Variants in EBF1 observed in about 807,000 individuals in gnomAD.
EBF1 encodes the protein EBF transcription factor 1.
Under a neutral mutation model 68.4 loss-of-function variants are expected in EBF1, and 10 were observed. The observed-to-expected ratio is 0.15, with a 90% CI of 0.09 to 0.25. The LOEUF (loss-of-function observed/expected upper bound fraction) is 0.25. Ranked by LOEUF, EBF1 falls within the 10% of genes least tolerant of loss-of-function variation. The pLI is 1.00. For missense variants in EBF1, 509 were observed against 794.4 expected (o/e 0.64, Z 4.32); for synonymous variants, 298 against 299.8 (o/e 0.99, Z 0.06).
At chr5:159,081,501 T>G (rs939863301) in intron 5 of EBF1, among the ~76,000 whole-genome samples, 3 of 152,238 alleles carry the variant, frequency 2.0e-5, no homozygotes, top group African/African-American at 7.2e-5. Flanking sequence ...AGAGGACCAC[T>G]GTTTACAGGA....
intron 6 of EBF1, among the ~76,000 whole-genome samples, chr5:159,056,832 G>T (rs980972504): frequency 3.9e-5 from 6 of 152,112 alleles, no homozygotes; most frequent in African/African-American, 1.4e-4. Flanking sequence ...AAAGATAATA[G>T]TCAGAGACAA....
Position 159,096,346 on chromosome 5 carries a change from T to G in EBF1, c.352A>C (p.Asn118His). Residue 118 changes from asparagine (N) to histidine (H), a missense_variant, in exon 3 of 16, where the codon AAT becomes CAT. This residue lies in a region of EBF1 where 230 missense variants were observed against 467.7 expected (regional missense o/e 0.49). Coordinates refer to ENST00000313708, the MANE Select transcript of EBF1 (RefSeq NM_024007.5). Reference sequence around the variant, plus strand: ...ATAGACCCGACCCGGGCCTCACCATTGCTGTAGAGAAGCTGAAGCCGGTAG... The same window carrying G: ...ATAGACCCGACCCGGGCCTCACCATGGCTGTAGAGAAGCTGAAGCCGGTAG... ...IHYRLQLLYSNGIRTEQDFYV... is the reference protein window; with the variant it reads ...IHYRLQLLYSHGIRTEQDFYV... 2.5e-6 allele frequency: 4 copies of G among 1,613,338 alleles called. No individual in the cohort carries two copies. Among genetic ancestry groups the G allele is most frequent in the Non-Finnish European group, 3.4e-6 (4 of 1,179,730 alleles).
chr5:159,077,132 C>T (rs7726961), intron 5 of EBF1, among the ~76,000 whole-genome samples: 77,673 of 152,118 alleles, frequency 0.51, 21,380 homozygotes, highest in African/African-American at 0.73. Flanking sequence ...ATAATGTCAA[C>T]GGCTTTAGAA....
chr5:158,926,862 C>T (rs1316172822), intron 6 of EBF1, among the ~76,000 whole-genome samples: 1 of 152,084 alleles, frequency 6.6e-6, no homozygotes, highest in Non-Finnish European at 1.5e-5. Flanking sequence ...TCTATACAGA[C>T]TTTAGTAATG....
intron 6 of EBF1, among the ~76,000 whole-genome samples, chr5:159,048,512 C>T (rs1772899838): frequency 6.6e-6 from 1 of 152,236 alleles, no homozygotes; most frequent in Non-Finnish European, 1.5e-5. Context: ...GCTCTAGCCT[C>T]TTGTACTTCT....
chr5:158,969,857 A>G (rs1411661917), intron 6 of EBF1, among the ~76,000 whole-genome samples: 2 of 66,308 alleles, frequency 3.0e-5, no homozygotes, highest in Non-Finnish European at 6.9e-5. Context: ...AGAAAGAAAG[A>G]AAGAAAGAAA....
At position 158,905,225 on chromosome 5, in the gene EBF1, G is replaced by A. The variant is rs959194126; in HGVS notation, c.555-65115C>T. On this transcript the variant is annotated intron_variant, in intron 6 of 15. Coordinates refer to ENST00000313708, the MANE Select transcript of EBF1 (RefSeq NM_024007.5). ...ACCTATTCACATAAACATTGCTGCC[G>A]TGTAACTCCCAACCATCCTCAAAAT... Among the ~76,000 whole-genome samples the A allele has an allele frequency of 3.3e-5, 5 of 152,252 alleles. No homozygotes were observed. In the East Asian group the frequency reaches 5.8e-4, roughly 18 times the overall value.
intron 10 of EBF1, among the ~76,000 whole-genome samples, chr5:158,774,142 T>C (rs747156505): frequency 5.9e-5 from 9 of 152,130 alleles, no homozygotes; most frequent in East Asian, 1.9e-4. Context: ...GTGACTCTGA[T>C]TGGACAAACA....
chr5:158,858,343 C>T (rs1264122709), intron 6 of EBF1, among the ~76,000 whole-genome samples: 1 of 152,166 alleles, frequency 6.6e-6, no homozygotes, highest in Non-Finnish European at 1.5e-5. Context: ...GGTACTGCTT[C>T]TTCATACCTG....
chr5:158,883,278 T>C (rs1303059601), intron 6 of EBF1, among the ~76,000 whole-genome samples: 1 of 150,170 alleles, frequency 6.7e-6, no homozygotes, highest in African/African-American at 2.4e-5. Context: ...GGCGACAGCT[T>C]TTCTTCACTT....
chr5:158,706,243 G>A (rs1361372238), intron 15 of EBF1, among the ~76,000 whole-genome samples: 3 of 150,132 alleles, frequency 2.0e-5, no homozygotes, highest in Non-Finnish European at 4.4e-5. Flanking sequence ...GCCACTGTAT[G>A]TTAGAGTGGG....
intron 10 of EBF1, among the ~76,000 whole-genome samples, chr5:158,765,173 A>T (rs991533903): frequency 6.6e-6 from 1 of 152,136 alleles, no homozygotes; most frequent in African/African-American, 2.4e-5. Context: ...AAATTTCTAA[A>T]CCTTTAGATA....
chr5:159,076,961 C>T (rs928385231), intron 5 of EBF1, among the ~76,000 whole-genome samples: 2 of 152,200 alleles, frequency 1.3e-5, no homozygotes, highest in Admixed American at 6.5e-5. Flanking sequence ...AAATGTACAG[C>T]ATATTGTGAC....
At position 158,774,396 on chromosome 5, in the gene EBF1, C is replaced by T. The variant is rs185314634; in HGVS notation, c.1036+3017G>A. On this transcript the variant is annotated intron_variant, in intron 10 of 15. Coordinates refer to ENST00000313708, the MANE Select transcript of EBF1 (RefSeq NM_024007.5). ...GGACTTTTAGAGACATTTACATCTA[C>T]AAATGCCAACTCTCTCTTGCATACT... 2.0e-5 allele frequency among the ~76,000 whole-genome samples: 3 copies of T among 151,944 alleles called. No homozygotes were observed. The East Asian group carries it at 5.8e-4, about 29-fold the overall frequency.
intron 9 of EBF1, among the ~76,000 whole-genome samples, chr5:158,787,923 C>T (rs141586080): frequency 4.6e-5 from 7 of 152,168 alleles, no homozygotes; most frequent in Non-Finnish European, 1.0e-4. Flanking sequence ...ACTACCTACC[C>T]ATACATGCAT....
chr5:158,811,138 C>A (rs1326146316), intron 8 of EBF1, among the ~76,000 whole-genome samples: 3 of 152,132 alleles, frequency 2.0e-5, no homozygotes, highest in African/African-American at 7.2e-5. Context: ...GCAGGGCTGG[C>A]ACAGGGAGTT....
At chr5:158,982,107 A>G (rs919726687) in intron 6 of EBF1, among the ~76,000 whole-genome samples, 5 of 152,180 alleles carry the variant, frequency 3.3e-5, no homozygotes, top group Non-Finnish European at 5.9e-5. Context: ...ATAAGTTACA[A>G]TGGCCTAGAC....
chr5:158,886,676 T>C (rs560065827), intron 6 of EBF1, among the ~76,000 whole-genome samples: 1 of 152,352 alleles, frequency 6.6e-6, no homozygotes, highest in East Asian at 1.9e-4. Context: ...TGCATACTTA[T>C]TTTAAATTCA....
chr5:158,887,289 A>C (rs1800255723), intron 6 of EBF1, among the ~76,000 whole-genome samples: 1 of 152,208 alleles, frequency 6.6e-6, no homozygotes, highest in Non-Finnish European at 1.5e-5. Flanking sequence ...TATAACAGCC[A>C]AGCCGAAGAT....
Sources: gnomAD v4.1 joint callset for allele counts (sites outside exome capture counted in the v4.1 genomes callset) on GRCh38, gnomAD v4.1.1 for gene constraint, gnomAD v4.1.1 regional missense constraint, MANE v1.5 for transcripts, NCBI Gene and HGNC (gene_info 2026-07-23, HGNC 2026-07-21) for gene names.